Variants in SLC38A3 observed in about 807,000 individuals in gnomAD.
SLC38A3 encodes the protein sodium-coupled neutral amino acid transporter 3.
A neutral mutation model predicts 59.5 loss-of-function variants in SLC38A3; 17 were observed. The ratio of observed to expected loss-of-function variants is 0.29; its 90% CI spans 0.20 to 0.43. SLC38A3 has a LOEUF of 0.43. Ranked by LOEUF, SLC38A3 falls within the 20% of genes least tolerant of loss-of-function variation. The pLI is 1.00. For missense variants in SLC38A3, 454 were observed against 653.9 expected (o/e 0.69, Z 3.33); for synonymous variants, 238 against 260.3 (o/e 0.91, Z 0.82).
At chr3:50,210,213 C>A (rs953986748) in intron 1 of SLC38A3, among the ~76,000 whole-genome samples, 3 of 152,060 alleles carry the variant, frequency 2.0e-5, no homozygotes. Context: ...CAGATGGGTA[C>A]CAGACTTAGG....
intron 1 of SLC38A3, among the ~76,000 whole-genome samples, chr3:50,209,482 A>T (rs1699694057): frequency 6.6e-6 from 1 of 152,094 alleles, no homozygotes; most frequent in Non-Finnish European, 1.5e-5. Context: ...CCCCGTCTCT[A>T]CTAAAAAATA....
In SLC38A3 at chr3:50,218,365, T is replaced by A; in HGVS notation, c.1031T>A (p.Phe344Tyr). 1 of 1,607,514 alleles carries A rather than the reference T, an allele frequency of 6.2e-7. No homozygotes were observed. Residue 344 changes from phenylalanine (F) to tyrosine (Y), a missense_variant, in exon 12 of 16, where the codon TTC (phenylalanine) becomes TAC (tyrosine). Phe to Tyr is a conservative substitution (Grantham distance 22). Coordinates refer to ENST00000614032, the MANE Select transcript of SLC38A3 (RefSeq NM_006841.6). The surrounding 1 kb of genome is among the most constrained non-coding windows in gnomAD (Gnocchi z 5.8). ...GCTGCCCTCTTCGGCTACCTCACCT[T>A]CTACAGTACGGTGGCACCGGTGGGC... ...FLAALFGYLT[F>Y]YNGVESELLH...
In SLC38A3 at chr3:50,217,488, A is replaced by G; in HGVS notation, c.690+15A>G. ...TCCTAATTGCAGTGAGTCACCCTCC[A>G]TGTTGGCTGAGAAAGCGGGCAGCGG... On this transcript the variant is annotated intron_variant, in intron 9 of 15. Transcript: ENST00000614032. This position sits in a 1 kb window ranked among gnomAD's most constrained non-coding sequence, Gnocchi z 4.9. The G allele has an allele frequency of 6.2e-7, 1 of 1,612,276 alleles. No homozygotes were observed. The highest frequency in any genetic ancestry group is 8.5e-7 in the Non-Finnish European group (1 of 1,179,142).
At position 50,212,589 on chromosome 3, in the gene SLC38A3, A is replaced by G. The variant is rs550165638; in HGVS notation, c.-51-1560A>G. On this transcript the variant is annotated intron_variant, in intron 1 of 15. Coordinates refer to ENST00000614032, the MANE Select transcript of SLC38A3 (RefSeq NM_006841.6). ...GAGAGGCAGGTTTGAGGGATGCAAG[A>G]GTGCCATGTGTGGGGTCTCCAGGAT... Among the ~76,000 whole-genome samples the G allele has an allele frequency of 2.6e-5, 4 of 152,290 alleles. No individual in the cohort carries two copies. In the East Asian group the frequency reaches 7.7e-4, roughly 29 times the overall value.
At position 50,215,943 on chromosome 3, in the gene SLC38A3, C is replaced by T; in HGVS notation, c.548+122C>T. The T allele has an allele frequency of 1.3e-6, 1 of 766,294 alleles. No homozygotes were observed. Among genetic ancestry groups the T allele is most frequent in the Non-Finnish European group, 2.2e-6 (1 of 460,480 alleles). The allele number at this position is 766,294 out of a possible 1,614,324, so 47.5% of individuals were successfully genotyped here. On this transcript the variant is annotated intron_variant, in intron 7 of 15. Coordinates refer to ENST00000614032, the MANE Select transcript of SLC38A3 (RefSeq NM_006841.6). This position sits in a 1 kb window ranked among gnomAD's most constrained non-coding sequence, Gnocchi z 7.1. ...GGCTGGTGGGAGAGACAAGACAAAG[C>T]AGACAAGAAGCTGGTGGAGTGGGGA... is the stretch of plus-strand genomic sequence containing the variant.
At chr3:50,211,866 G>A (rs1047039692) in intron 1 of SLC38A3, among the ~76,000 whole-genome samples, 2 of 152,078 alleles carry the variant, frequency 1.3e-5, no homozygotes, top group African/African-American at 4.8e-5. Context: ...GGTATTACAG[G>A]CGTGAGCCAC....
At position 50,220,379 on chromosome 3, in the gene SLC38A3, T is replaced by C. The variant is rs1022087983; in HGVS notation, c.*202T>C. The stretch of plus-strand genomic sequence containing the variant: ...CCCTTGGGCCACTACCCTGCTAGGC[T>C]CTGGAGCTGTAGAGGCTTCCTGAAC... On this transcript the variant is annotated 3_prime_UTR_variant, in exon 16 of 16. Coordinates refer to ENST00000614032, the MANE Select transcript of SLC38A3 (RefSeq NM_006841.6). 4 of 580,860 alleles carry C rather than the reference T, an allele frequency of 6.9e-6. No individual in the cohort carries two copies. The East Asian group carries it at 1.2e-4, about 17-fold the overall frequency. The allele number at this position is 580,860 out of a possible 1,614,324, so 36.0% of individuals were successfully genotyped here.
intron 1 of SLC38A3, among the ~76,000 whole-genome samples, chr3:50,212,746 C>G (rs908124818): frequency 1.3e-5 from 2 of 152,182 alleles, no homozygotes; most frequent in Non-Finnish European, 2.9e-5. Context: ...AGGCCTGAGC[C>G]CAGCCTCTCT....
chr3:50,217,594 C>A lies in SLC38A3; in HGVS notation c.691-82C>A, dbSNP rs1444558172. Reference sequence around the variant, plus strand: ...GGGCCAGAAGGCAGCTCCACCAGTCCTGATCTAGATGTGGCTTCATGGTGA... The same window carrying A: ...GGGCCAGAAGGCAGCTCCACCAGTCATGATCTAGATGTGGCTTCATGGTGA... On this transcript the variant is annotated intron_variant, in intron 9 of 15. Coordinates refer to ENST00000614032, the MANE Select transcript of SLC38A3 (RefSeq NM_006841.6). This position sits in a 1 kb window ranked among gnomAD's most constrained non-coding sequence, Gnocchi z 4.9. 7 of 1,589,330 alleles carry A rather than the reference C, an allele frequency of 4.4e-6. No homozygotes were observed. Among genetic ancestry groups the A allele is most frequent in the Middle Eastern group, 1.7e-4 (1 of 5,998 alleles).
chr3:50,208,800 C>G (rs1699681693), intron 1 of SLC38A3, among the ~76,000 whole-genome samples: 1 of 152,258 alleles, frequency 6.6e-6, no homozygotes, highest in South Asian at 2.1e-4. Context: ...CTGTCTGTCT[C>G]TGTGTGTGGA....
At position 50,215,336 on chromosome 3, in the gene SLC38A3, G is replaced by A. The variant is rs375650540; in HGVS notation, c.300-50G>A. On this transcript the variant is annotated intron_variant, in intron 4 of 15. Transcript: ENST00000614032. The surrounding 1 kb of genome is among the most constrained non-coding windows in gnomAD (Gnocchi z 7.1). The stretch of plus-strand genomic sequence containing the variant: ...GAGCCCCTCACCCTCTGCCAGCCAC[G>A]GTAGCCCCCCAGTGGCCTCTTTTTC... 3.3e-5 allele frequency: 51 copies of A among 1,563,374 alleles called. No individual in the cohort carries two copies. Among genetic ancestry groups the A allele is most frequent in the African/African-American group, 1.2e-4 (9 of 73,868 alleles).
At position 50,215,351 on chromosome 3, in the gene SLC38A3, G is replaced by A. The variant is rs1407447994; in HGVS notation, c.300-35G>A. 6.2e-7 allele frequency: 1 copy of A among 1,603,784 alleles called. No homozygotes were observed. The highest frequency in any genetic ancestry group is 8.5e-7 in the Non-Finnish European group (1 of 1,170,734). ...TGCCAGCCACGGTAGCCCCCCAGTGGCCTCTTTTTCTTCCATCTTCCCATG... is the reference window on the plus strand; with the variant it reads ...TGCCAGCCACGGTAGCCCCCCAGTGACCTCTTTTTCTTCCATCTTCCCATG... On this transcript the variant is annotated intron_variant, in intron 4 of 15. Coordinates refer to ENST00000614032, the MANE Select transcript of SLC38A3 (RefSeq NM_006841.6). This position sits in a 1 kb window ranked among gnomAD's most constrained non-coding sequence, Gnocchi z 7.1.
chr3:50,210,290 G>A (rs1165904799), intron 1 of SLC38A3, among the ~76,000 whole-genome samples: 1 of 152,134 alleles, frequency 6.6e-6, no homozygotes, highest in Non-Finnish European at 1.5e-5. Flanking sequence ...ACTGGGGGCA[G>A]CCCTCACCCC....
rs532364587 is a variant in SLC38A3, at chr3:50,205,561, A to G, written c.-52+213A>G. The stretch of plus-strand genomic sequence containing the variant: ...TCGGGACTCAGCGCCGAGCTTAAGC[A>G]GGGCCCTGGGGGTACCGGGAGGGAC... On this transcript the variant is annotated intron_variant, in intron 1 of 15. Transcript: ENST00000614032. 7.2e-5 allele frequency among the ~76,000 whole-genome samples: 11 copies of G among 152,350 alleles called. No individual in the cohort carries two copies. The East Asian group carries it at 2.1e-3, about 29-fold the overall frequency.
intron 1 of SLC38A3, among the ~76,000 whole-genome samples, chr3:50,209,539 C>T (rs1375276962): frequency 1.3e-5 from 2 of 151,940 alleles, no homozygotes; most frequent in Non-Finnish European, 2.9e-5. Flanking sequence ...GTCCCAGCTA[C>T]TCGGGAAGCT....
intron 14 of SLC38A3, 113 bp downstream of exon 14, chr3:50,219,061 C>A: frequency 1.5e-6 from 2 of 1,335,026 alleles, no homozygotes; most frequent in Non-Finnish European, 2.1e-6. Context: ...TGGCCATGTG[C>A]ACAGTTTGGC....
chr3:50,215,787 A>T lies in SLC38A3; in HGVS notation c.514A>T (p.Ile172Leu). The change falls in exon 7 of 16, where the codon ATA becomes TTA. Residue 172 changes from isoleucine (I) to leucine (L), a missense_variant. Ile to Leu is a conservative substitution (Grantham distance 5, BLOSUM62 2). Transcript: ENST00000614032. This position sits in a 1 kb window ranked among gnomAD's most constrained non-coding sequence, Gnocchi z 7.1. ...CATCAAGTCTGAGCTGCCACTTGTC[A>T]TACAGACCTTCCTGAACCTGGAGGA... Reference protein sequence around the residue: ...YIIKSELPLVIQTFLNLEEKT... With the variant: ...YIIKSELPLVLQTFLNLEEKT... 6.3e-7 allele frequency: 1 copy of T among 1,595,396 alleles called. No individual in the cohort carries two copies. Among genetic ancestry groups the T allele is most frequent in the South Asian group, 1.1e-5 (1 of 88,178 alleles).
intron 7 of SLC38A3, among the ~76,000 whole-genome samples, chr3:50,216,963 T>C (rs1445021695): frequency 2.0e-5 from 3 of 152,106 alleles, no homozygotes; most frequent in African/African-American, 7.2e-5. Context: ...TTAGTAGAGA[T>C]GGGGTTTCAC....
chr3:50,216,172 C>G (rs587737274), intron 7 of SLC38A3, among the ~76,000 whole-genome samples: 39 of 152,344 alleles, frequency 2.6e-4, no homozygotes, highest in Non-Finnish European at 3.7e-4. Context: ...GTTGCCCCCC[C>G]CAACCAAGAT....
Sources: gnomAD v4.1 joint callset for allele counts (sites outside exome capture counted in the v4.1 genomes callset) on GRCh38, gnomAD v4.1.1 for gene constraint, Gnocchi (gnomAD v3.1) non-coding constraint, MANE v1.5 for transcripts, NCBI Gene and HGNC (gene_info 2026-07-23, HGNC 2026-07-21) for gene names.